Variants in PPP4C observed in about 807,000 individuals in gnomAD.
The protein encoded by PPP4C is protein phosphatase 4 catalytic subunit.
Under a neutral mutation model 40.5 loss-of-function variants are expected in PPP4C, and 10 were observed. The ratio of observed to expected loss-of-function variants is 0.25; its 90% CI spans 0.15 to 0.42. The LOEUF is 0.42. Among genes scored for constraint, PPP4C ranks in the 10% least tolerant of loss-of-function variants. The pLI is 1.00. For missense variants in PPP4C, 191 were observed against 416.4 expected (o/e 0.46, Z 4.71); for synonymous variants, 187 against 163.6 (o/e 1.14, Z -1.09).
chr16:30,082,920 T>G, intron 5 of PPP4C, 73 bp downstream of exon 5: 1 of 1,293,784 alleles, frequency 7.7e-7, no homozygotes. Flanking sequence ...CGTTCCGCCC[T>G]CATCTCCTAT....
In PPP4C at chr16:30,078,749, A is replaced by G. The variant is rs755014605; in HGVS notation, c.98+2274A>G. Among the ~76,000 whole-genome samples the G allele has an allele frequency of 3.3e-5, 5 of 152,250 alleles. No homozygotes were observed. In the East Asian group the frequency reaches 5.8e-4, roughly 18 times the overall value. ...CACAGTAGGAGAGCTGAGCTTTTGA[A>G]TCAGGTGGTCTTCAGTATGAATCTT... is the stretch of plus-strand genomic sequence containing the variant. On this transcript the variant is annotated intron_variant, in intron 2 of 8. Transcript: ENST00000279387.
rs778090514 is a variant in PPP4C, at chr16:30,082,437, GC to G, written c.151-46del. 2.7e-5 allele frequency: 43 copies of G among 1,567,192 alleles called. No homozygotes were observed. In the African/African-American group the frequency reaches 5.7e-4, roughly 21 times the overall value. ...GCGGGTGTTTGGAGGGTAGTCCCTG[GC>G]AACTCCCACTGCTTGAGTTCCAACC... On this transcript the variant is annotated intron_variant, in intron 3 of 8. Transcript: ENST00000279387.
intron 2 of PPP4C, 91 bp from the exon 3 acceptor site, chr16:30,081,168 C>G (rs1317250968): frequency 1.9e-6 from 3 of 1,580,900 alleles, no homozygotes; most frequent in South Asian, 1.1e-5. Context: ...GCTTCCAGGA[C>G]TGCCTCATAT....
At chr16:30,078,289 C>G (rs189432996) in intron 2 of PPP4C, among the ~76,000 whole-genome samples, 1 of 152,278 alleles carries the variant, frequency 6.6e-6, no homozygotes, top group Admixed American at 6.5e-5. Context: ...GAAACTGAGC[C>G]TTTGAGTAGA....
chr16:30,082,596 G>T, intron 4 of PPP4C, 62 bp downstream of exon 4: 1 of 1,581,082 alleles, frequency 6.3e-7, no homozygotes, highest in Admixed American at 1.7e-5. Context: ...CCCTGTAATT[G>T]AGGGTGGGAG....
intron 1 of PPP4C, 35 bp from the exon 2 acceptor site, chr16:30,076,280 A>C (rs1161299945): frequency 1.6e-6 from 2 of 1,253,690 alleles, no homozygotes; most frequent in Non-Finnish European, 1.1e-6. Context: ...CCCCGGACGG[A>C]CACTGATCCG....
chr16:30,083,618 C>T lies in PPP4C; in HGVS notation c.478-37C>T. On this transcript the variant is annotated intron_variant, in intron 6 of 8. Coordinates refer to ENST00000279387, the MANE Select transcript of PPP4C (RefSeq NM_002720.3). This position sits in a 1 kb window ranked among gnomAD's most constrained non-coding sequence, Gnocchi z 6.3. ...ACAGGGAGAGGAGGGGGGCTTCAGG[C>T]CTCAGCCCCGTCCTCTTTCCCTGCT... 6 of 1,613,962 alleles carry T rather than the reference C, an allele frequency of 3.7e-6. No individual in the cohort carries two copies. The East Asian group carries it at 1.1e-4, about 30-fold the overall frequency.
chr16:30,083,069 C>G lies in PPP4C; in HGVS notation c.303+222C>G. The stretch of plus-strand genomic sequence containing the variant: ...CAGAGGCTCACTGTTGCGAATGTGG[C>G]AGGTCATTGATGCCACTGGTGGGAG... On this transcript the variant is annotated intron_variant, in intron 5 of 8. Coordinates refer to ENST00000279387, the MANE Select transcript of PPP4C (RefSeq NM_002720.3). The surrounding 1 kb of genome is among the most constrained non-coding windows in gnomAD (Gnocchi z 6.3). The G allele has an allele frequency of 1.7e-6, 1 of 594,178 alleles. No individual in the cohort carries two copies. Among genetic ancestry groups the G allele is most frequent in the Non-Finnish European group, 3.0e-6 (1 of 336,508 alleles). 36.8% of individuals were successfully genotyped at this position (594,178 alleles called of 1,614,324 possible).
At chr16:30,080,779 A>G (rs2072490708) in intron 2 of PPP4C, among the ~76,000 whole-genome samples, 1 of 152,176 alleles carries the variant, frequency 6.6e-6, no homozygotes, top group Admixed American at 6.5e-5. Context: ...TGCTGGGATT[A>G]CAGGCATGAG....
Position 30,085,074 on chromosome 16 carries a change from C to T in PPP4C, c.*12C>T, listed in dbSNP as rs1385409363. ...ACTACTTCCTGTGACCCCGCCCGGCCCCTGCCCCCTCCAACCCTTCTGGCC... is the reference window on the plus strand; with the variant it reads ...ACTACTTCCTGTGACCCCGCCCGGCTCCTGCCCCCTCCAACCCTTCTGGCC... On this transcript the variant is annotated 3_prime_UTR_variant, in exon 9 of 9. Transcript: ENST00000279387. The T allele has an allele frequency of 3.1e-6, 5 of 1,612,532 alleles. No homozygotes were observed. Among genetic ancestry groups the T allele is most frequent in the Non-Finnish European group, 1.7e-6 (2 of 1,179,538 alleles).
chr16:30,081,152 C>G (rs760756531), intron 2 of PPP4C, 107 bp from the exon 3 acceptor site: 11 of 1,523,268 alleles, frequency 7.2e-6, no homozygotes, highest in Middle Eastern at 2.0e-4. Flanking sequence ...ACTCCTGCCC[C>G]CTGGAGCTTC....
chr16:30,082,961 C>A, intron 5 of PPP4C, 114 bp downstream of exon 5: 2 of 916,586 alleles, frequency 2.2e-6, no homozygotes, highest in Non-Finnish European at 3.3e-6. Flanking sequence ...AGCTGTGTCA[C>A]TGGTGATGGA....
chr16:30,076,593 G>T lies in PPP4C; in HGVS notation c.98+118G>T. 3 of 981,206 alleles carry T rather than the reference G, an allele frequency of 3.1e-6. No individual in the cohort carries two copies. The African/African-American group carries it at 4.9e-5, about 16-fold the overall frequency. 60.8% of individuals were successfully genotyped at this position (981,206 alleles called of 1,614,324 possible). A position where few individuals can be genotyped will look rare whatever the true frequency, so the allele number is the denominator to read the frequency against. ...GTTCTGGAAGCTTTCCCAGAGAGGAGCAGGATGGAGCCGCTGCCCTCGAGG... is the reference window on the plus strand; with the variant it reads ...GTTCTGGAAGCTTTCCCAGAGAGGATCAGGATGGAGCCGCTGCCCTCGAGG... On this transcript the variant is annotated intron_variant, in intron 2 of 8. Coordinates refer to ENST00000279387, the MANE Select transcript of PPP4C (RefSeq NM_002720.3).
At position 30,082,053 on chromosome 16, in the gene PPP4C, T is replaced by TA. The variant is rs760700971; in HGVS notation, c.151-417dup. Among the ~76,000 whole-genome samples, 825 of 120,502 alleles carry TA rather than the reference T, an allele frequency of 6.8e-3. 4 individuals are homozygous for TA. Among genetic ancestry groups the TA allele is most frequent in the African/African-American group, 0.021 (734 of 35,540 alleles). 79.1% of individuals were successfully genotyped at this position (120,502 alleles called of 152,430 possible). ...CTAGGCGACAGAGTGAGACTCCGTC[T>TA]AAAAAAAAAAAAAAGAAAGGAAAGA... is the stretch of plus-strand genomic sequence containing the variant. On this transcript the variant is annotated intron_variant, in intron 3 of 8. Transcript: ENST00000279387.
At position 30,083,666 on chromosome 16, in the gene PPP4C, G is replaced by A. The variant is rs982950137; in HGVS notation, c.489G>A (p.Val163=). Residue 163 remains valine, a synonymous_variant, in exon 7 of 9, where the codon GTG becomes GTA. Transcript: ENST00000279387. This position sits in a 1 kb window ranked among gnomAD's most constrained non-coding sequence, Gnocchi z 6.3. ...GCTCTCCCCTGTAGATCTTCTGCGT[G>A]CACGGGGGCCTCTCCCCCTCCATCC... ...SAIIDGKIFC[V]HGGLSPSIQT... is the part of the protein sequence containing the mutation. The A allele has an allele frequency of 2.5e-6, 4 of 1,614,172 alleles. No homozygotes were observed. Among genetic ancestry groups the A allele is most frequent in the African/African-American group, 1.3e-5 (1 of 75,062 alleles).
chr16:30,081,162 C>G (rs1217709879), intron 2 of PPP4C, 97 bp from the exon 3 acceptor site: 1 of 1,570,328 alleles, frequency 6.4e-7, no homozygotes, highest in Non-Finnish European at 8.7e-7. Flanking sequence ...CCTGGAGCTT[C>G]CAGGACTGCC....
chr16:30,081,301 G>C lies in PPP4C; in HGVS notation c.141G>C (p.Ser47=), dbSNP rs145133317. The part of the protein sequence containing the change: ...VEESNVQRVD[S]PVTVCGDIHG... ...AGAGCAACGTGCAGAGGGTGGACTC[G>C]CCAGTCACAGTGAGTACCTGCTGTC... The change falls in exon 3 of 9, where the codon TCG becomes TCC. Residue 47 remains serine, a synonymous_variant. Transcript: ENST00000279387. 2.0e-5 allele frequency: 33 copies of C among 1,613,188 alleles called. No homozygotes were observed. Among genetic ancestry groups the C allele is most frequent in the Non-Finnish European group, 2.7e-5 (32 of 1,179,594 alleles).
chr16:30,082,869 A>C (rs1567335800), intron 5 of PPP4C, 22 bp downstream of exon 5: 1 of 1,606,516 alleles, frequency 6.2e-7, no homozygotes, highest in Admixed American at 1.7e-5. Flanking sequence ...CGGCTTCTGC[A>C]CCCCCAACCT....
chr16:30,083,116 C>T lies in PPP4C; in HGVS notation c.303+269C>T. 1 of 590,524 alleles carries T rather than the reference C, an allele frequency of 1.7e-6. No individual in the cohort carries two copies. The highest frequency in any genetic ancestry group is 3.0e-6 in the Non-Finnish European group (1 of 333,984). 36.6% of individuals were successfully genotyped at this position (590,524 alleles called of 1,614,324 possible). On this transcript the variant is annotated intron_variant, in intron 5 of 8. Transcript: ENST00000279387. This position sits in a 1 kb window ranked among gnomAD's most constrained non-coding sequence, Gnocchi z 6.3. ...GGAGAGGCAGTGTGGGGCCAGATGA[C>T]AAAGGGCCTGGGTGCCTTGCTAGGG...
Sources: gnomAD v4.1 joint callset for allele counts (sites outside exome capture counted in the v4.1 genomes callset) on GRCh38, gnomAD v4.1.1 for gene constraint, Gnocchi (gnomAD v3.1) non-coding constraint, MANE v1.5 for transcripts, NCBI Gene and HGNC (gene_info 2026-07-23, HGNC 2026-07-21) for gene names.